The following KCNAB1 variants were observed in gnomAD, a reference collection of about 807,000 sequenced individuals.
KCNAB1 encodes the protein voltage-gated potassium channel subunit beta-1.
In KCNAB1, 35 loss-of-function variants were observed where a neutral mutation model predicts 64.6. The ratio of observed to expected loss-of-function variants is 0.54; its 90% CI spans 0.41 to 0.72. The LOEUF is 0.72. Among genes scored for constraint, KCNAB1 ranks in the 30% least tolerant of loss-of-function variants. The pLI, the probability that KCNAB1 is intolerant of heterozygous loss-of-function variation, is 0.00. For synonymous variants in KCNAB1, 177 were observed against 183.8 expected, an observed-to-expected ratio of 0.96 and a Z score of 0.30; for missense variants, 401 against 512.9, an observed-to-expected ratio of 0.78 and a Z score of 2.11.
At chr3:156,137,989 A>G (rs942831193) in intron 1 of KCNAB1, among the ~76,000 whole-genome samples, 3 of 152,104 alleles carry the variant, frequency 2.0e-5, no homozygotes, top group Non-Finnish European at 4.4e-5. Context: ...GATTGCCTCT[A>G]TCTTTGCTCA....
rs569526005 is a variant in KCNAB1, at chr3:156,465,349, G to A, written c.528-294G>A. On this transcript the variant is annotated intron_variant, in intron 6 of 13. Transcript: ENST00000490337. ...TGGTTAAGAACAAGGTGAAAAGGTC[G>A]TACAGTGTCTTGAGTTAAATATGGA... Among the ~76,000 whole-genome samples the A allele has an allele frequency of 6.6e-5, 10 of 152,264 alleles. No individual in the cohort carries two copies. The East Asian group carries it at 9.6e-4, about 15-fold the overall frequency.
At chr3:156,185,425 T>G (rs1312107794) in intron 1 of KCNAB1, among the ~76,000 whole-genome samples, 2 of 152,210 alleles carry the variant, frequency 1.3e-5, no homozygotes. Context: ...CTCTATTCTC[T>G]TAGAGTTTTT....
At chr3:156,246,071 G>T (rs901963445) in intron 1 of KCNAB1, among the ~76,000 whole-genome samples, 3 of 152,144 alleles carry the variant, frequency 2.0e-5, no homozygotes, top group African/African-American at 7.2e-5. Flanking sequence ...AAGAATTAAT[G>T]AATCAACAGC....
At chr3:156,427,286 A>G (rs141191323) in intron 2 of KCNAB1, among the ~76,000 whole-genome samples, 2,063 of 152,054 alleles carry the variant, frequency 0.014, 23 homozygotes, top group South Asian at 0.033. Flanking sequence ...AACAAGGGGA[A>G]CTCTGTGGAG....
chr3:156,486,071 C>T (rs1192827172), intron 8 of KCNAB1, among the ~76,000 whole-genome samples: 2 of 152,030 alleles, frequency 1.3e-5, no homozygotes, highest in Admixed American at 6.6e-5. Flanking sequence ...TGTGACAGTA[C>T]CTCTTTAACT....
intron 8 of KCNAB1, among the ~76,000 whole-genome samples, chr3:156,484,941 G>C (rs1715091709): frequency 6.6e-6 from 1 of 152,064 alleles, no homozygotes; most frequent in African/African-American, 2.4e-5. Flanking sequence ...CAGACCTTCA[G>C]CTTCTCAGTT....
At chr3:156,504,751 G>GTTTTTTTTTTTTTTTTTTGT (rs71302274) in intron 8 of KCNAB1, among the ~76,000 whole-genome samples, 1 of 132,752 alleles carries the variant, frequency 7.5e-6, no homozygotes, top group Non-Finnish European at 1.6e-5. Context: ...TGTTTTTTTT[G>GTTTTTTTTTTTTTTTTTTGT]TTTTTTTTTT....
At chr3:156,338,995 A>C (rs978512755) in intron 1 of KCNAB1, among the ~76,000 whole-genome samples, 47 of 152,284 alleles carry the variant, frequency 3.1e-4, no homozygotes, top group South Asian at 1.5e-3. Context: ...CAAAGTACAG[A>C]GATATTCCCA....
At chr3:156,431,916 G>A (rs529638768) in intron 2 of KCNAB1, among the ~76,000 whole-genome samples, 1 of 152,288 alleles carries the variant, frequency 6.6e-6, no homozygotes, top group African/African-American at 2.4e-5. Context: ...GCTCTGGTTG[G>A]TTTATGTATC....
intron 1 of KCNAB1, among the ~76,000 whole-genome samples, chr3:156,309,967 G>A (rs998001590): frequency 1.2e-4 from 19 of 152,302 alleles, no homozygotes; most frequent in South Asian, 4.1e-4. Flanking sequence ...AGTCCTGTGC[G>A]TTCTGTTCAC....
At chr3:156,435,130 A>T (rs1424118211) in intron 2 of KCNAB1, among the ~76,000 whole-genome samples, 1 of 152,236 alleles carries the variant, frequency 6.6e-6, no homozygotes, top group East Asian at 1.9e-4. Context: ...TACCATAGAG[A>T]GTCATCAAAC....
intron 1 of KCNAB1, among the ~76,000 whole-genome samples, chr3:156,177,468 C>T (rs1712465679): frequency 1.3e-5 from 2 of 152,078 alleles, no homozygotes; most frequent in Admixed American, 6.5e-5. Context: ...GCTCCGCCTT[C>T]CAGGTTCACA....
At chr3:156,427,253 C>T (rs146551625) in intron 2 of KCNAB1, among the ~76,000 whole-genome samples, 114 of 152,226 alleles carry the variant, frequency 7.5e-4, no homozygotes, top group African/African-American at 2.6e-3. Flanking sequence ...AGCTTGTGAC[C>T]TCCCAGCTTC....
intron 1 of KCNAB1, among the ~76,000 whole-genome samples, chr3:156,166,065 T>C (rs563749244): frequency 1.3e-5 from 2 of 152,328 alleles, no homozygotes; most frequent in South Asian, 4.1e-4. Flanking sequence ...CATATTCAGA[T>C]GTTCAGCGAA....
intron 1 of KCNAB1, among the ~76,000 whole-genome samples, chr3:156,188,233 A>G (rs1329029501): frequency 6.6e-6 from 1 of 151,504 alleles, no homozygotes; most frequent in Non-Finnish European, 1.5e-5. Flanking sequence ...TCTGATTATA[A>G]ATGTCATCAC....
intron 1 of KCNAB1, among the ~76,000 whole-genome samples, chr3:156,230,833 A>G (rs1435888121): frequency 1.3e-5 from 2 of 152,242 alleles, no homozygotes; most frequent in African/African-American, 2.4e-5. Context: ...CTGTGTGTAT[A>G]TATCAGTAAA....
chr3:156,172,494 G>T (rs1712068124), intron 1 of KCNAB1, among the ~76,000 whole-genome samples: 1 of 152,140 alleles, frequency 6.6e-6, no homozygotes, highest in South Asian at 2.1e-4. Context: ...TGGCCAGGCT[G>T]GTCTCAAACT....
intron 1 of KCNAB1, among the ~76,000 whole-genome samples, chr3:156,127,195 G>A (rs1425429509): frequency 6.6e-6 from 1 of 152,194 alleles, no homozygotes; most frequent in Non-Finnish European, 1.5e-5. Context: ...ATCAGGGATG[G>A]AGTATGGAAT....
At chr3:156,488,780 A>G (rs897583842) in intron 8 of KCNAB1, among the ~76,000 whole-genome samples, 3 of 152,078 alleles carry the variant, frequency 2.0e-5, no homozygotes, top group Non-Finnish European at 2.9e-5. Context: ...TATGTTAAAA[A>G]ATGGTTATAG....
Sources: allele counts gnomAD v4.1 joint callset (sites outside exome capture counted in the v4.1 genomes callset), GRCh38; gene constraint gnomAD v4.1.1; transcripts MANE v1.5; gene names NCBI Gene and HGNC (gene_info 2026-07-23, HGNC 2026-07-21).